BRAF: variants seen among roughly 807,000 people sequenced by gnomAD.
BRAF encodes serine/threonine-protein kinase B-raf.
A neutral mutation model predicts 104.6 loss-of-function variants in BRAF; 16 were observed. That is an observed-to-expected ratio of 0.15 (90% CI 0.10 to 0.23). The LOEUF is 0.23. Among genes scored for constraint, BRAF ranks in the 10% least tolerant of loss-of-function variants. The pLI, the probability that BRAF is intolerant of heterozygous loss-of-function variation, is 1.00. For missense variants in BRAF, 541 were observed against 937.3 expected, an observed-to-expected ratio of 0.58 and a Z score of 5.52; for synonymous variants, 310 against 341.6, an observed-to-expected ratio of 0.91 and a Z score of 1.02.
chr7:140,777,157 C>A lies in BRAF; in HGVS notation c.1638-69G>T, dbSNP rs1187181944. ...TTTAGCAATTCTTACAAAAGAGAACCAAAGTAGTCTGTCGGTAAAATGTTG... is the reference window on the plus strand; with the variant it reads ...TTTAGCAATTCTTACAAAAGAGAACAAAAGTAGTCTGTCGGTAAAATGTTG... On this transcript the variant is annotated intron_variant, in intron 13 of 19. Coordinates refer to ENST00000644969, the MANE Select transcript of BRAF (RefSeq NM_001374258.1). The A allele has an allele frequency of 5.3e-5, 80 of 1,507,204 alleles. 1 individual carries two copies. In the South Asian group the frequency reaches 8.8e-4, roughly 17 times the overall value. 93.4% of individuals were successfully genotyped at this position (1,507,204 alleles called of 1,614,324 possible).
chr7:140,852,799 A>G (rs1809331042), intron 1 of BRAF, among the ~76,000 whole-genome samples: 1 of 152,110 alleles, frequency 6.6e-6, no homozygotes, highest in African/African-American at 2.4e-5. Context: ...CAAACTTAAC[A>G]TGTTCAAAGA....
intron 1 of BRAF, among the ~76,000 whole-genome samples, chr7:140,887,558 T>C (rs970885592): frequency 3.3e-5 from 5 of 151,812 alleles, no homozygotes; most frequent in Non-Finnish European, 7.4e-5. Context: ...TGACACAAAT[T>C]GAACAATAAG....
At chr7:140,785,467 T>A (rs1306200643) in intron 10 of BRAF, among the ~76,000 whole-genome samples, 1 of 152,208 alleles carries the variant, frequency 6.6e-6, no homozygotes, top group Non-Finnish European at 1.5e-5. Context: ...GGTCAGGATT[T>A]TCTTGCTTTT....
rs121913370 is a variant in BRAF at position 140,753,393 on chromosome 7, T to C, written c.1862A>G (p.Asn621Ser). 1.3e-6 allele frequency: 2 copies of C among 1,573,802 alleles called. No homozygotes were observed. The highest frequency in any genetic ancestry group is 1.7e-6 in the Non-Finnish European group (2 of 1,143,670). ...SIIHRDLKSN[N>S]IFLHEDLTVK... Reference sequence around the variant, plus strand: ...TGTGAGGTCTTCATGAAGAAATATATCTGAGGTGTAGTAAGTAAAGGAAAA... The same window carrying C: ...TGTGAGGTCTTCATGAAGAAATATACCTGAGGTGTAGTAAGTAAAGGAAAA... The change falls in exon 16 of 20, where the codon AAT (asparagine) becomes AGT (serine). Residue 621 changes from asparagine to serine, a missense_variant and splice_region_variant. Asn to Ser is a conservative substitution (Grantham distance 46). Coordinates refer to ENST00000644969, the MANE Select transcript of BRAF (RefSeq NM_001374258.1).
intron 17 of BRAF, among the ~76,000 whole-genome samples, chr7:140,742,894 C>T (rs565741626): frequency 1.2e-3 from 182 of 151,636 alleles, no homozygotes; most frequent in Non-Finnish European, 1.9e-3. Context: ...CAAACAACCC[C>T]ATCAAAAAGT....
intron 14 of BRAF, among the ~76,000 whole-genome samples, chr7:140,767,099 G>A (rs950060207): frequency 6.6e-6 from 1 of 151,984 alleles, no homozygotes; most frequent in African/African-American, 2.4e-5. Context: ...ATCTTCCCAG[G>A]CTCTAGAGAT....
chr7:140,883,325 T>C (rs900195236), intron 1 of BRAF, among the ~76,000 whole-genome samples: 17 of 152,186 alleles, frequency 1.1e-4, no homozygotes, highest in Non-Finnish European at 2.9e-5. Flanking sequence ...GCAATTTTGT[T>C]TTTCCTCTAT....
chr7:140,801,636 G>T, intron 5 of BRAF, 76 bp from the exon 6 acceptor site: 1 of 1,424,082 alleles, frequency 7.0e-7, no homozygotes, highest in Non-Finnish European at 9.7e-7. Context: ...CTACTCTCTT[G>T]TTTAAAATAA....
At chr7:140,878,180 C>A (rs944997150) in intron 1 of BRAF, among the ~76,000 whole-genome samples, 1 of 151,750 alleles carries the variant, frequency 6.6e-6, no homozygotes, top group Non-Finnish European at 1.5e-5. Flanking sequence ...AACACACATA[C>A]CAAAACTGAT....
At position 140,834,467 on chromosome 7, in the gene BRAF, C is replaced by T. The variant is rs1267623; in HGVS notation, c.504+142G>A. 0.18 allele frequency: 207,014 copies of T among 1,147,182 alleles called. 28,581 individuals carry two copies. The highest frequency in any genetic ancestry group is 0.67 in the African/African-American group (42,227 of 63,452). The allele number at this position is 1,147,182 out of a possible 1,614,324, so 71.1% of individuals were successfully genotyped here. On this transcript the variant is annotated intron_variant, in intron 3 of 19. Coordinates refer to ENST00000644969, the MANE Select transcript of BRAF (RefSeq NM_001374258.1). The stretch of plus-strand genomic sequence containing the variant: ...TATAGACTTTGCCACCAAATAATTA[C>T]ATATTTTTCATTCCTGTATGACATG...
chr7:140,881,436 A>G (rs1812904730), intron 1 of BRAF, among the ~76,000 whole-genome samples: 1 of 152,164 alleles, frequency 6.6e-6, no homozygotes, highest in African/African-American at 2.4e-5. Flanking sequence ...TTAAAAATGA[A>G]TGGAGACGAC....
At chr7:140,715,937 A>T (rs1306518352), downstream of BRAF, among the ~76,000 whole-genome samples, 1 of 152,224 alleles carries the variant, frequency 6.6e-6, no homozygotes, top group Non-Finnish European at 1.5e-5. Context: ...CATACCTGAG[A>T]TTCAGATCCT....
At chr7:140,733,435 G>C (rs747138771) in intron 19 of BRAF, 1 of 152,178 alleles carries the variant, frequency 6.6e-6, no homozygotes, top group Non-Finnish European at 1.5e-5. Context: ...ATAGGACCAC[G>C]TGCTGTTGCT....
rs929635340 is a variant in BRAF at position 140,924,842 on chromosome 7, G to C, written c.-139C>G. 1.6e-5 allele frequency: 5 copies of C among 308,652 alleles called. No individual in the cohort carries two copies. Among genetic ancestry groups the C allele is most frequent in the East Asian group, 1.6e-4 (3 of 18,614 alleles). The allele number at this position is 308,652 out of a possible 1,614,324, so 19.1% of individuals were successfully genotyped here. A position where few individuals can be genotyped will look rare whatever the true frequency, so the allele number is the denominator to read the frequency against. On this transcript the variant is annotated 5_prime_UTR_variant, in exon 1 of 20. Coordinates refer to ENST00000644969, the MANE Select transcript of BRAF (RefSeq NM_001374258.1). This position sits in a 1 kb window ranked among gnomAD's most constrained non-coding sequence, Gnocchi z 4.2. ...GGGGGCGCGGGGAGGAGCGGCCCGG[G>C]CGGCGCCGCGGGCGGAGGGCGCCTG...
chr7:140,865,795 G>C (rs1032967808), intron 1 of BRAF, among the ~76,000 whole-genome samples: 6 of 152,188 alleles, frequency 3.9e-5, no homozygotes, highest in African/African-American at 7.2e-5. Flanking sequence ...AGTAGAAATA[G>C]AGAAGTGATA....
Position 140,755,367 on chromosome 7 carries a change from T to C in BRAF, c.1815-1134A>G, listed in dbSNP as rs117482157. On this transcript the variant is annotated intron_variant, in intron 14 of 19. Transcript: ENST00000644969. ...TTAAAATGAGAATTTAAAATCCAAA[T>C]GGTATAATCAAAATCATGCAATAAA... is the stretch of plus-strand genomic sequence containing the variant. Among the ~76,000 whole-genome samples, 327 of 152,290 alleles carry C rather than the reference T, an allele frequency of 2.1e-3. 16 individuals carry two copies. The East Asian group carries it at 0.056, about 26-fold the overall frequency.
At chr7:140,859,652 T>C (rs1477387800) in intron 1 of BRAF, among the ~76,000 whole-genome samples, 1 of 152,090 alleles carries the variant, frequency 6.6e-6, no homozygotes, top group East Asian at 1.9e-4. Context: ...AAAAATAATT[T>C]TTCCCCCATG....
chr7:140,732,819 C>T (rs1186472539), intron 19 of BRAF: 1 of 152,178 alleles, frequency 6.6e-6, no homozygotes, highest in Non-Finnish European at 1.5e-5. Context: ...GACCTTGTGC[C>T]TCAAAATGGC....
chr7:140,839,024 C>T (rs1807642384), intron 2 of BRAF, among the ~76,000 whole-genome samples: 2 of 151,902 alleles, frequency 1.3e-5, no homozygotes, highest in African/African-American at 4.8e-5. Context: ...GAAATAAAAC[C>T]TTACATTTAC....
Sources: gnomAD v4.1 joint callset for allele counts (sites outside exome capture counted in the v4.1 genomes callset) on GRCh38, gnomAD v4.1.1 for gene constraint, Gnocchi (gnomAD v3.1) non-coding constraint, MANE v1.5 for transcripts, NCBI Gene and HGNC (gene_info 2026-07-23, HGNC 2026-07-21) for gene names.